The following PLAC1 variants were observed in gnomAD, a reference collection of about 807,000 sequenced individuals.
The protein encoded by PLAC1 is placenta associated 1.
For synonymous variants in PLAC1, 68 were observed against 62.1 expected (o/e 1.09, Z -0.44); for missense variants, 136 against 163.2 (o/e 0.83, Z 0.91).
At chrX:134,601,989 C>G (rs771581256) in intron 2 of PLAC1, 62 bp downstream of exon 2, 1 of 112,236 alleles carries the variant, frequency 8.9e-6, no homozygotes, top group African/African-American at 3.2e-5. Context: ...TGTCAGTTCC[C>G]TTTAGAAAGT....
chrX:134,643,024 AAAC>A (rs1384696534), intron 1 of PLAC1, among the ~76,000 whole-genome samples: 2 of 111,590 alleles, frequency 1.8e-5, no homozygotes, highest in African/African-American at 6.5e-5. Context: ...GGGTGGGACT[AAAC>A]AAAAAATAAA....
In PLAC1 at chrX:134,578,151, C is replaced by T. The variant is rs1368070594; in HGVS notation, c.-58-11411G>A. On this transcript the variant is annotated intron_variant, in intron 2 of 2. Coordinates refer to ENST00000359237, the MANE Select transcript of PLAC1 (RefSeq NM_021796.4). ...CAAACCAGCTGGGCGCAGTGGCTCA[C>T]GCCTGTAATCCCAGCACTTTGGGAG... Among the ~76,000 whole-genome samples the T allele has an allele frequency of 2.7e-5, 3 of 111,260 alleles. No individual in the cohort carries two copies. The East Asian group carries it at 8.6e-4, about 32-fold the overall frequency.
At chrX:134,567,485 G>A (rs1468683041) in intron 2 of PLAC1, among the ~76,000 whole-genome samples, 3 of 111,595 alleles carry the variant, frequency 2.7e-5, no homozygotes, top group Non-Finnish European at 5.6e-5. Context: ...AAAGAAAGGG[G>A]CGGCTTATGC....
intron 2 of PLAC1, among the ~76,000 whole-genome samples, chrX:134,690,689 T>C (rs1445209368): frequency 9.3e-6 from 1 of 107,863 alleles, no homozygotes; most frequent in Non-Finnish European, 1.9e-5. Context: ...TCCCAGCACT[T>C]TGGGAGGCTG....
intron 1 of PLAC1, among the ~76,000 whole-genome samples, chrX:134,627,492 A>T (rs1189654054): frequency 8.9e-6 from 1 of 112,517 alleles, no homozygotes; most frequent in Non-Finnish European, 1.9e-5. Context: ...TATATCCAGC[A>T]TGCTCACTAG....
At chrX:134,755,784 G>A (rs1358676289) in intron 1 of PLAC1, among the ~76,000 whole-genome samples, 1 of 107,619 alleles carries the variant, frequency 9.3e-6, no homozygotes, top group Non-Finnish European at 1.9e-5. Flanking sequence ...TGGGATATTG[G>A]ACCTTTATTT....
chrX:134,579,376 C>T (rs2077962595), intron 2 of PLAC1, among the ~76,000 whole-genome samples: 1 of 111,602 alleles, frequency 9.0e-6, no homozygotes, highest in Admixed American at 9.5e-5. Context: ...AGAAAAATGG[C>T]CAGACATTAC....
intron 2 of PLAC1, among the ~76,000 whole-genome samples, chrX:134,669,770 G>A (rs998759815): frequency 2.7e-5 from 3 of 112,468 alleles, no homozygotes; most frequent in Non-Finnish European, 5.6e-5. Flanking sequence ...CCGCAGTAGC[G>A]GAAGACAAGG....
intron 2 of PLAC1, among the ~76,000 whole-genome samples, chrX:134,713,920 C>T (rs2078635668): frequency 9.0e-6 from 1 of 111,322 alleles, no homozygotes; most frequent in Non-Finnish European, 1.9e-5. Flanking sequence ...CCACAACCTC[C>T]TCTCCAGGGA....
chrX:134,605,996 C>T (rs921211051), intron 1 of PLAC1: 6 of 111,545 alleles, frequency 5.4e-5, no homozygotes, highest in Admixed American at 9.5e-5. Flanking sequence ...AATCCCAGCA[C>T]TTTGGGAAGC....
intron 1 of PLAC1, among the ~76,000 whole-genome samples, chrX:134,645,672 T>A (rs187964400): frequency 2.7e-5 from 3 of 112,090 alleles, no homozygotes; most frequent in African/African-American, 9.7e-5. Context: ...GGGCCCACGA[T>A]GTACAGTTGA....
At chrX:134,647,188 T>A (rs2078337811) in intron 1 of PLAC1, among the ~76,000 whole-genome samples, 1 of 111,519 alleles carries the variant, frequency 9.0e-6, no homozygotes, top group Non-Finnish European at 1.9e-5. Flanking sequence ...CCTGGGCCAC[T>A]GGCTATCCTA....
intron 1 of PLAC1, among the ~76,000 whole-genome samples, chrX:134,651,734 C>G (rs1016939026): frequency 9.8e-6 from 1 of 101,525 alleles, no homozygotes; most frequent in African/African-American, 3.6e-5. Flanking sequence ...CTTTTTCCCC[C>G]CTTTCTTCCT....
At chrX:134,648,216 GTGAAGA>G (rs1279421120) in intron 1 of PLAC1, among the ~76,000 whole-genome samples, 9 of 111,554 alleles carry the variant, frequency 8.1e-5, no homozygotes, top group Admixed American at 7.6e-4. Context: ...TATCTCTTCA[GTGAAGA>G]TGGAGAGCCT....
chrX:134,724,126 C>T lies in PLAC1; in HGVS notation n.174+9309G>A, dbSNP rs187991106. Among the ~76,000 whole-genome samples the T allele has an allele frequency of 1.6e-4, 18 of 111,935 alleles. No homozygotes were observed. In the South Asian group the frequency reaches 5.2e-3, roughly 32 times the overall value. ...GAAGGAGGCTAATGAGACATGACAA[C>T]GCAATGCCAGGTGGGATCCTAGATT... On this transcript the variant is annotated intron_variant and non_coding_transcript_variant, in intron 2 of 2. Coordinates refer to the PLAC1 transcript ENST00000466797.
chrX:134,566,048 A>G lies in PLAC1; in HGVS notation c.635T>C (p.Met212Thr). The change falls in exon 3 of 3, where the codon ATG (methionine) becomes ACG (threonine). Residue 212 changes from methionine to threonine, a missense_variant. Coordinates refer to ENST00000359237, the MANE Select transcript of PLAC1 (RefSeq NM_021796.4). Reference sequence around the variant, plus strand: ...AGGAGACCCCAAACCTGAGGATCACATGGACCCAATCATATCATCTGTGTG... The same window carrying G: ...AGGAGACCCCAAACCTGAGGATCACGTGGACCCAATCATATCATCTGTGTG... ...SLHTDDMIGS[M>T] is the part of the protein sequence containing the mutation. 1 of 1,206,295 alleles carries G rather than the reference A, an allele frequency of 8.3e-7. No homozygotes were observed. The highest frequency in any genetic ancestry group is 1.1e-6 in the Non-Finnish European group (1 of 890,805).
chrX:134,590,791 G>A (rs992321275), intron 2 of PLAC1, among the ~76,000 whole-genome samples: 22 of 110,430 alleles, frequency 2.0e-4, no homozygotes, highest in Middle Eastern at 4.2e-3. Flanking sequence ...ATTTTTAGTA[G>A]AGACCGGGTT....
At chrX:134,668,014 A>G (rs887564032) in intron 2 of PLAC1, among the ~76,000 whole-genome samples, 7 of 112,144 alleles carry the variant, frequency 6.2e-5, no homozygotes, top group African/African-American at 2.3e-4. Context: ...AATTGAACAT[A>G]GATCCACATA....
At chrX:134,578,858 G>A (rs1241308977) in intron 2 of PLAC1, among the ~76,000 whole-genome samples, 1 of 109,423 alleles carries the variant, frequency 9.1e-6, no homozygotes, top group Non-Finnish European at 1.9e-5. Flanking sequence ...CAAATTTCTT[G>A]CACCGAATTT....
Sources: allele counts gnomAD v4.1 joint callset (sites outside exome capture counted in the v4.1 genomes callset), GRCh38; gene constraint gnomAD v4.1.1; transcripts MANE v1.5; gene names NCBI Gene and HGNC (gene_info 2026-07-23, HGNC 2026-07-21).